SHROOM3: variants seen among roughly 807,000 people sequenced by gnomAD.
SHROOM3 encodes the protein protein Shroom3.
SHROOM3 carries 47 observed loss-of-function variants against 138.6 expected under a neutral mutation model. The observed-to-expected ratio is 0.34, with a 90% CI of 0.27 to 0.43. SHROOM3 has a LOEUF of 0.43. SHROOM3 is among the 20% of genes least tolerant of loss of function. SHROOM3 has a pLI of 1.00. For missense variants in SHROOM3, 2,491 were observed against 2,596.5 expected (o/e 0.96, Z 0.88); for synonymous variants, 1,062 against 1,063.3 (o/e 1.00, Z 0.02).
chr4:76,665,827 C>T (rs1215506499), intron 2 of SHROOM3, among the ~76,000 whole-genome samples: 1 of 152,180 alleles, frequency 6.6e-6, no homozygotes, highest in Non-Finnish European at 1.5e-5. Context: ...CAAAACCTCT[C>T]TCTCCTGTTT....
intron 3 of SHROOM3, among the ~76,000 whole-genome samples, chr4:76,719,657 G>A (rs1227950202): frequency 1.3e-4 from 20 of 151,868 alleles, no homozygotes; most frequent in Admixed American, 1.3e-3. Flanking sequence ...GGGGAATATT[G>A]GGGAAAAAAA....
intron 1 of SHROOM3, among the ~76,000 whole-genome samples, chr4:76,486,886 G>T (rs1366558002): frequency 6.6e-6 from 1 of 150,428 alleles, no homozygotes; most frequent in South Asian, 2.1e-4. Flanking sequence ...TATCTATTCA[G>T]TGCTAAAATA....
chr4:76,532,350 T>A (rs1732850348), intron 1 of SHROOM3: 1 of 152,346 alleles, frequency 6.6e-6, no homozygotes, highest in Non-Finnish European at 1.5e-5. Flanking sequence ...TAAGGCATCC[T>A]TCTTTCACAG....
intron 1 of SHROOM3, among the ~76,000 whole-genome samples, chr4:76,492,975 C>T (rs943762781): frequency 1.3e-5 from 2 of 152,110 alleles, no homozygotes; most frequent in African/African-American, 2.4e-5. Flanking sequence ...AATCCTAGCA[C>T]TTTGGGAGGC....
chr4:76,715,295 G>A (rs968679025), intron 3 of SHROOM3, among the ~76,000 whole-genome samples: 5 of 152,184 alleles, frequency 3.3e-5, no homozygotes, highest in African/African-American at 1.2e-4. Flanking sequence ...GTATATATAG[G>A]AGCCAGTGAA....
chr4:76,769,582 G>C (rs539667924), intron 9 of SHROOM3, among the ~76,000 whole-genome samples: 1 of 152,260 alleles, frequency 6.6e-6, no homozygotes, highest in African/African-American at 2.4e-5. Flanking sequence ...ATGTGATTAA[G>C]GTGTCAAATT....
At chr4:76,711,557 C>G (rs576506199) in intron 3 of SHROOM3, among the ~76,000 whole-genome samples, 1 of 152,156 alleles carries the variant, frequency 6.6e-6, no homozygotes, top group East Asian at 1.9e-4. Context: ...GCTGGGCATA[C>G]TGGCACACAC....
chr4:76,623,724 C>A (rs925287419), intron 2 of SHROOM3, among the ~76,000 whole-genome samples: 4 of 152,154 alleles, frequency 2.6e-5, no homozygotes, highest in African/African-American at 7.2e-5. Context: ...GCCTCTAAAT[C>A]TTTTTCTGTC....
chr4:76,697,126 C>T (rs1719762894), intron 2 of SHROOM3, among the ~76,000 whole-genome samples: 1 of 146,532 alleles, frequency 6.8e-6, no homozygotes, highest in Non-Finnish European at 1.5e-5. Context: ...TGAGGTCTCA[C>T]TGTGTTGCCC....
rs377175218 is a variant in SHROOM3 at position 76,710,189 on chromosome 4, T to C, written c.357T>C (p.Thr119=). 2.0e-5 allele frequency: 32 copies of C among 1,614,074 alleles called. No individual in the cohort carries two copies. Among genetic ancestry groups the C allele is most frequent in the Non-Finnish European group, 2.6e-5 (31 of 1,180,030 alleles). ...DVCTDPGHAD[T]GASNFVSPEH... is the part of the protein sequence containing the mutation. ...GCACAGACCCAGGCCATGCAGATACTGGTGCCTCTAACTTCGTCAGCCCAG... is the reference window on the plus strand; with the variant it reads ...GCACAGACCCAGGCCATGCAGATACCGGTGCCTCTAACTTCGTCAGCCCAG... The change falls in exon 3 of 11, where the codon ACT becomes ACC. Residue 119 remains threonine, a synonymous_variant. Coordinates refer to ENST00000296043, the MANE Select transcript of SHROOM3 (RefSeq NM_020859.4).
chr4:76,457,563 C>G (rs544172719), intron 1 of SHROOM3, among the ~76,000 whole-genome samples: 13 of 151,620 alleles, frequency 8.6e-5, no homozygotes, highest in African/African-American at 2.9e-4. Context: ...ACTATCTCGA[C>G]TCACTGAAAC....
At chr4:76,603,756 T>C (rs1271381998) in intron 2 of SHROOM3, among the ~76,000 whole-genome samples, 1 of 151,682 alleles carries the variant, frequency 6.6e-6, no homozygotes, top group African/African-American at 2.4e-5. Context: ...CAAAAGGTCC[T>C]GGTGTGTGAT....
chr4:76,717,998 A>G (rs1236119924), intron 3 of SHROOM3, among the ~76,000 whole-genome samples: 1 of 152,206 alleles, frequency 6.6e-6, no homozygotes, highest in Non-Finnish European at 1.5e-5. Flanking sequence ...GCTTGCTTCT[A>G]TAGATGCCTT....
chr4:76,495,444 T>C (rs1337946414), intron 1 of SHROOM3, among the ~76,000 whole-genome samples: 1 of 152,254 alleles, frequency 6.6e-6, no homozygotes, highest in Non-Finnish European at 1.5e-5. Context: ...GACAACTCTG[T>C]GTGCCCTTCC....
chr4:76,660,566 C>T (rs930286831), intron 2 of SHROOM3, among the ~76,000 whole-genome samples: 6 of 152,122 alleles, frequency 3.9e-5, no homozygotes, highest in African/African-American at 1.2e-4. Context: ...ACCTCCGCCT[C>T]CCAGATTCAA....
At chr4:76,487,488 G>T (rs886248169) in intron 1 of SHROOM3, among the ~76,000 whole-genome samples, 1 of 152,082 alleles carries the variant, frequency 6.6e-6, no homozygotes, top group Non-Finnish European at 1.5e-5. Flanking sequence ...GGAGAGAAAG[G>T]CAATTTTAAT....
chr4:76,628,159 G>A lies in SHROOM3; in HGVS notation c.323+72396G>A, dbSNP rs552782742. Among the ~76,000 whole-genome samples, 68 of 152,298 alleles carry A rather than the reference G, an allele frequency of 4.5e-4. 1 individual carries two copies. Among genetic ancestry groups the A allele is most frequent in the South Asian group, 1.0e-3 (5 of 4,832 alleles). Reference sequence around the variant, plus strand: ...ATGGCTTTAAAAAGTTTTAGAAAGTGAGATATAAAAAAATTATAGAGTTAA... The same window carrying A: ...ATGGCTTTAAAAAGTTTTAGAAAGTAAGATATAAAAAAATTATAGAGTTAA... On this transcript the variant is annotated intron_variant, in intron 2 of 10. Coordinates refer to ENST00000296043, the MANE Select transcript of SHROOM3 (RefSeq NM_020859.4).
At chr4:76,564,902 C>G (rs1302226989) in intron 2 of SHROOM3, among the ~76,000 whole-genome samples, 2 of 151,884 alleles carry the variant, frequency 1.3e-5, no homozygotes. Flanking sequence ...TGGCTCATGC[C>G]TGTAATCCCA....
At chr4:76,474,506 T>C (rs1731441597) in intron 1 of SHROOM3, among the ~76,000 whole-genome samples, 3 of 152,206 alleles carry the variant, frequency 2.0e-5, no homozygotes, top group Admixed American at 2.0e-4. Context: ...AATGGTTATA[T>C]TTGACTAAAT....
Sources: gnomAD v4.1 joint callset for allele counts (sites outside exome capture counted in the v4.1 genomes callset) on GRCh38, gnomAD v4.1.1 for gene constraint, MANE v1.5 for transcripts, NCBI Gene and HGNC (gene_info 2026-07-23, HGNC 2026-07-21) for gene names.